Variants in ZNF208 observed in about 807,000 individuals in gnomAD.
The protein encoded by ZNF208 is zinc finger protein 95.
In ZNF208, 10 loss-of-function variants were observed where a neutral mutation model predicts 12.1. The ratio of observed to expected loss-of-function variants is 0.83; its 90% CI spans 0.51 to 1.40. ZNF208 has a LOEUF of 1.40. Ranked by LOEUF, ZNF208 falls within the 40% of genes most tolerant of loss-of-function variation. The probability of loss-of-function intolerance (pLI) is 0.00; values close to 1 mark genes in which losing one functional copy is unlikely to be tolerated. For synonymous variants in ZNF208, 497 were observed against 488.4 expected, an observed-to-expected ratio of 1.02 and a Z score of -0.23; for missense variants, 1,652 against 1,485.0, an observed-to-expected ratio of 1.11 and a Z score of -1.85.
At chr19:21,948,597 T>G (rs1185503094) in intron 4 of ZNF208, among the ~76,000 whole-genome samples, 7 of 152,146 alleles carry the variant, frequency 4.6e-5, no homozygotes, top group African/African-American at 1.2e-4. Flanking sequence ...GGTGTTACTA[T>G]GATTCAAGTT....
intron 3 of ZNF208, among the ~76,000 whole-genome samples, chr19:21,980,861 C>G (rs1254608641): frequency 6.6e-6 from 1 of 151,860 alleles, no homozygotes; most frequent in African/African-American, 2.4e-5. Flanking sequence ...TAGACACAAT[C>G]AAAAATAATA....
At chr19:21,998,795 T>C (rs1970887003) in intron 1 of ZNF208, 2 of 152,174 alleles carry the variant, frequency 1.3e-5, no homozygotes, top group African/African-American at 2.4e-5. Flanking sequence ...TTCCTAACCA[T>C]TGAATGTGAG....
chr19:22,001,910 A>G (rs1416379930), intron 1 of ZNF208, among the ~76,000 whole-genome samples: 2 of 137,562 alleles, frequency 1.5e-5, no homozygotes, highest in Admixed American at 7.4e-5. Context: ...AAAAAAAAAA[A>G]AAAAAAAAAA....
chr19:21,956,574 G>C (rs139527937), intron 4 of ZNF208, among the ~76,000 whole-genome samples: 171 of 152,250 alleles, frequency 1.1e-3, no homozygotes, highest in African/African-American at 3.9e-3. Flanking sequence ...CCACCTTGCA[G>C]TTCAATCTCA....
At chr19:22,009,312 T>C (rs1457101386) in intron 1 of ZNF208, among the ~76,000 whole-genome samples, 1 of 151,848 alleles carries the variant, frequency 6.6e-6, no homozygotes, top group African/African-American at 2.4e-5. Context: ...GCTGGAGAAA[T>C]AGGGGGTGGC....
chr19:21,999,734 C>A (rs1278692754), intron 1 of ZNF208, among the ~76,000 whole-genome samples: 12 of 151,654 alleles, frequency 7.9e-5, no homozygotes, highest in Admixed American at 3.3e-4. Flanking sequence ...CAGATAAAGA[C>A]AATTCTGAGT....
In ZNF208 at chr19:21,987,249, T is replaced by C; in HGVS notation, c.193A>G (p.Met65Val). 1.2e-6 allele frequency: 2 copies of C among 1,613,046 alleles called. No homozygotes were observed. The highest frequency in any genetic ancestry group is 1.7e-6 in the Non-Finnish European group (2 of 1,179,558). Residue 65 changes from methionine (M) to valine (V), a missense_variant, in exon 3 of 4, where the codon ATG becomes GTG. Around this residue, in one of 3 missense-constraint regions of ZNF208, gnomAD observed 410 missense variants for 378.2 expected, o/e 1.08. Coordinates refer to ENST00000397126, the MANE Select transcript of ZNF208 (RefSeq NM_007153.3). The stretch of plus-strand genomic sequence containing the variant: ...TCTTCCACCATCTCATGTCTCTTCA[T>C]ATTCCAGGACTCTTTTCCTTCCTCC... ...FLEEGKESWNMKRHEMVEESP... is the reference protein window; with the variant it reads ...FLEEGKESWNVKRHEMVEESP...
At position 21,974,090 on chromosome 19, in the gene ZNF208, C is replaced by T; in HGVS notation, c.944G>A (p.Cys315Tyr). Residue 315 changes from cysteine to tyrosine, a missense_variant, in exon 4 of 4, where the codon TGT (cysteine) becomes TAT (tyrosine). Coordinates refer to ENST00000397126, the MANE Select transcript of ZNF208 (RefSeq NM_007153.3). The stretch of plus-strand genomic sequence containing the variant: ...ACTGAAGGCTTTGCCACATTCTTTA[C>T]ATTTGTAGGGCTTCTCTCCAGCATG... ...AIHAGEKPYK[C>Y]KECGKAFSKV... 6.5e-7 allele frequency: 1 copy of T among 1,541,342 alleles called. No individual in the cohort carries two copies. Among genetic ancestry groups the T allele is most frequent in the Non-Finnish European group, 8.8e-7 (1 of 1,141,784 alleles).
At position 21,972,886 on chromosome 19, in the gene ZNF208, A is replaced by G; in HGVS notation, c.2148T>C (p.Thr716=). The change falls in exon 4 of 4, where the codon ACT becomes ACC. Residue 716 remains threonine, a synonymous_variant. Transcript: ENST00000397126. ...SNLMEHKRIH[T]GEKPYKCEEC... is the part of the protein sequence containing the mutation. ...CTTCACATTTGTAGGGTTTCTCTCC[A>G]GTATGAATTCTCTTATGTTCCATAA... The G allele has an allele frequency of 2.5e-6, 4 of 1,613,376 alleles. No homozygotes were observed. The highest frequency in any genetic ancestry group is 3.4e-6 in the Non-Finnish European group (4 of 1,179,800).
intron 1 of ZNF208, among the ~76,000 whole-genome samples, chr19:21,989,681 T>A (rs554069995): frequency 2.0e-4 from 31 of 152,322 alleles, no homozygotes; most frequent in African/African-American, 7.0e-4. Flanking sequence ...ATGGCTGAAC[T>A]AGTTTACAGT....
intron 3 of ZNF208, among the ~76,000 whole-genome samples, chr19:21,986,387 A>C (rs1391305779): frequency 6.6e-6 from 1 of 152,222 alleles, no homozygotes; most frequent in Non-Finnish European, 1.5e-5. Flanking sequence ...GATAAAATAG[A>C]GTAATAAAAC....
intron 1 of ZNF208, among the ~76,000 whole-genome samples, chr19:22,002,862 T>C (rs973582454): frequency 1.3e-5 from 2 of 152,100 alleles, no homozygotes; most frequent in Non-Finnish European, 2.9e-5. Context: ...AAAATTCACA[T>C]GGAACCAAAA....
chr19:21,981,809 CCCACTGTCT>C (rs1357979717), intron 3 of ZNF208, among the ~76,000 whole-genome samples: 24 of 152,060 alleles, frequency 1.6e-4, no homozygotes, highest in Non-Finnish European at 2.8e-4. Flanking sequence ...TTTAGAAAAC[CCCACTGTCT>C]CAGCCCAAGA....
intron 4 of ZNF208, chr19:21,939,905 G>C (rs1969706700): frequency 6.6e-6 from 1 of 152,168 alleles, no homozygotes; most frequent in African/African-American, 2.4e-5. Context: ...TACTGGAAAA[G>C]CAGAACTAGT....
intron 3 of ZNF208, among the ~76,000 whole-genome samples, chr19:21,983,942 AT>A (rs1970590458): frequency 6.6e-6 from 1 of 152,258 alleles, no homozygotes; most frequent in Non-Finnish European, 1.5e-5. Context: ...TGGCACGTGT[AT>A]ACCTATGAAA....
At chr19:21,994,724 T>C (rs1240964210) in intron 1 of ZNF208, among the ~76,000 whole-genome samples, 1 of 152,040 alleles carries the variant, frequency 6.6e-6, no homozygotes, top group Non-Finnish European at 1.5e-5. Context: ...CTTAGCAGGG[T>C]AAAAGAAATA....
chr19:21,954,190 T>C (rs1216594162), intron 4 of ZNF208, among the ~76,000 whole-genome samples: 1 of 152,226 alleles, frequency 6.6e-6, no homozygotes, highest in East Asian at 1.9e-4. Flanking sequence ...TGCACTGTGG[T>C]CTGAGAGATA....
At chr19:21,980,301 T>C (rs200762180) in intron 3 of ZNF208, among the ~76,000 whole-genome samples, 1 of 113,426 alleles carries the variant, frequency 8.8e-6, no homozygotes, top group African/African-American at 3.4e-5. Flanking sequence ...CACTCTTAAA[T>C]TGACAACATA....
intron 3 of ZNF208, among the ~76,000 whole-genome samples, chr19:21,982,357 C>A (rs1256920254): frequency 2.8e-3 from 302 of 107,314 alleles, no homozygotes; most frequent in East Asian, 3.7e-3. Context: ...GACTCCATCT[C>A]AAAAAAAAAA....
Sources: allele counts gnomAD v4.1 joint callset (sites outside exome capture counted in the v4.1 genomes callset), GRCh38; gene constraint gnomAD v4.1.1; regional missense constraint gnomAD v4.1.1; transcripts MANE v1.5; gene names NCBI Gene and HGNC (gene_info 2026-07-23, HGNC 2026-07-21).